The following BCLAF1 variants were observed in gnomAD, a reference collection of about 807,000 sequenced individuals.
BCLAF1 encodes the protein bcl-2-associated transcription factor 1.
Under a neutral mutation model 99.5 loss-of-function variants are expected in BCLAF1, and 10 were observed. That is an observed-to-expected ratio of 0.10 (90% CI 0.06 to 0.17). The LOEUF (loss-of-function observed/expected upper bound fraction) is 0.17, where lower values mean the gene tolerates loss of function less well. Among genes scored for constraint, BCLAF1 ranks in the 10% least tolerant of loss-of-function variants. The pLI is 1.00. For missense variants in BCLAF1, 636 were observed against 1,105.8 expected (o/e 0.58, Z 6.02); for synonymous variants, 255 against 370.9 (o/e 0.69, Z 3.59).
chr6:136,269,753 T>C (rs1782252951), intron 8 of BCLAF1, 141 bp from the exon 9 acceptor site: 3 of 549,454 alleles, frequency 5.5e-6, no homozygotes, highest in Non-Finnish European at 8.6e-6. Flanking sequence ...TAAGATACTA[T>C]CACTTAGTTT....
At chr6:136,277,084 C>T (rs577055119) in intron 4 of BCLAF1, among the ~76,000 whole-genome samples, 7 of 152,256 alleles carry the variant, frequency 4.6e-5, no homozygotes, top group African/African-American at 1.4e-4. Context: ...AGTGCTATTC[C>T]ACAAACAGCA....
At position 136,281,969 on chromosome 6, in the gene BCLAF1, G is replaced by A. The variant is rs116919058; in HGVS notation, c.-11+615C>T. On this transcript the variant is annotated intron_variant, in intron 2 of 12. Coordinates refer to ENST00000531224, the MANE Select transcript of BCLAF1 (RefSeq NM_014739.3). ...TACACCTGAAACTTCAAAAACTAACGGAAAGAAAGCATGCCTATCAAATAG... is the reference window on the plus strand; with the variant it reads ...TACACCTGAAACTTCAAAAACTAACAGAAAGAAAGCATGCCTATCAAATAG... Among the ~76,000 whole-genome samples, 766 of 152,216 alleles carry A rather than the reference G, an allele frequency of 5.0e-3. 5 individuals are homozygous for A. Among genetic ancestry groups the A allele is most frequent in the South Asian group, 0.034 (166 of 4,828 alleles).
chr6:136,289,267 C>A (rs568771402), intron 1 of BCLAF1, among the ~76,000 whole-genome samples: 1 of 152,376 alleles, frequency 6.6e-6, no homozygotes, highest in South Asian at 2.1e-4. Flanking sequence ...AGGTGGCAGT[C>A]CCAGCCAATG....
chr6:136,283,524 A>G (rs898242769), intron 1 of BCLAF1, among the ~76,000 whole-genome samples: 1 of 152,226 alleles, frequency 6.6e-6, no homozygotes, highest in Non-Finnish European at 1.5e-5. Context: ...CCAATACTGA[A>G]AAGTTTAGCT....
At chr6:136,283,983 A>G (rs985911006) in intron 1 of BCLAF1, among the ~76,000 whole-genome samples, 3 of 151,952 alleles carry the variant, frequency 2.0e-5, no homozygotes, top group Non-Finnish European at 4.4e-5. Flanking sequence ...AAACTGGAGT[A>G]CTGTCATAAA....
In BCLAF1 at chr6:136,276,349, T is replaced by C. The variant is rs781381344; in HGVS notation, c.1176A>G (p.Gln392=). Residue 392 remains glutamine, a synonymous_variant, in exon 5 of 13, where the codon CAA becomes CAG. Coordinates refer to ENST00000531224, the MANE Select transcript of BCLAF1 (RefSeq NM_014739.3). ...CATCCCCTTCTGAATCATTAAACTT[T>C]TGTTTTCCAGACTCTTTATCACTGA... The part of the protein sequence containing the change: ...DYFSDKESGK[Q]KFNDSEGDDT... The C allele has an allele frequency of 1.3e-6, 2 of 1,568,890 alleles. No individual in the cohort carries two copies. Among genetic ancestry groups the C allele is most frequent in the Non-Finnish European group, 1.7e-6 (2 of 1,161,412 alleles).
In BCLAF1 at chr6:136,270,537, C is replaced by T. The variant is rs552864840; in HGVS notation, c.2044-925G>A. ...GAAAGTACGTATCTCCAAATGATAT[C>T]AACTACTCACCTATTTGCTCCCAGA... On this transcript the variant is annotated intron_variant, in intron 8 of 12. Coordinates refer to ENST00000531224, the MANE Select transcript of BCLAF1 (RefSeq NM_014739.3). Among the ~76,000 whole-genome samples the T allele has an allele frequency of 2.0e-5, 3 of 151,882 alleles. No individual in the cohort carries two copies. In the East Asian group the frequency reaches 5.8e-4, roughly 29 times the overall value.
In BCLAF1 at chr6:136,276,595, C is replaced by G. The variant is rs1050259165; in HGVS notation, c.1017-87G>C. The stretch of plus-strand genomic sequence containing the variant: ...TATTTAAATGTGTTGCCCAATCCCT[C>G]AGGACCAGCAAGAGAGAAAATAACC... On this transcript the variant is annotated intron_variant, in intron 4 of 12. Coordinates refer to ENST00000531224, the MANE Select transcript of BCLAF1 (RefSeq NM_014739.3). The G allele has an allele frequency of 3.2e-5, 45 of 1,425,362 alleles. No homozygotes were observed. In the African/African-American group the frequency reaches 5.7e-4, roughly 18 times the overall value. The allele number at this position is 1,425,362 out of a possible 1,614,324, so 88.3% of individuals were successfully genotyped here. A position where few individuals can be genotyped will look rare whatever the true frequency, so the allele number is the denominator to read the frequency against.
chr6:136,277,391 A>C (rs1270112631), intron 4 of BCLAF1, among the ~76,000 whole-genome samples: 1 of 152,194 alleles, frequency 6.6e-6, no homozygotes, highest in East Asian at 1.9e-4. Flanking sequence ...TAAGAAACTT[A>C]ATTTCTAAAA....
chr6:136,273,521 T>C (rs1280875855), intron 6 of BCLAF1: 2 of 181,500 alleles, frequency 1.1e-5, no homozygotes, highest in Non-Finnish European at 2.3e-5. Context: ...ACCTTGCCAA[T>C]ATGAACCAAT....
chr6:136,289,077 G>A (rs1021985385), intron 1 of BCLAF1, among the ~76,000 whole-genome samples: 2 of 152,228 alleles, frequency 1.3e-5, no homozygotes, highest in Non-Finnish European at 2.9e-5. Context: ...ACCAGGGTCA[G>A]CAGCGAGAGG....
At chr6:136,263,660 C>G (rs1204160324) in intron 11 of BCLAF1, among the ~76,000 whole-genome samples, 2 of 152,138 alleles carry the variant, frequency 1.3e-5, no homozygotes, top group Admixed American at 6.6e-5. Flanking sequence ...ATACAAGGAT[C>G]ACGTTTCAAA....
intron 1 of BCLAF1, among the ~76,000 whole-genome samples, chr6:136,286,796 C>T (rs1286026985): frequency 2.0e-5 from 3 of 152,142 alleles, no homozygotes; most frequent in African/African-American, 7.2e-5. Context: ...GCCAAAACCC[C>T]GTCTCTACTA....
rs529862095 is a variant in BCLAF1, at chr6:136,274,382, G to A, written c.1852+1150C>T. Among the ~76,000 whole-genome samples, 21 of 150,456 alleles carry A rather than the reference G, an allele frequency of 1.4e-4. No homozygotes were observed. The South Asian group carries it at 2.1e-3, about 15-fold the overall frequency. On this transcript the variant is annotated intron_variant, in intron 6 of 12. Transcript: ENST00000531224. ...AATTCAGTAATAAATTGTAAAATGT[G>A]GAGCTAGGCCAAAAAAGATTAAAAA...
intron 1 of BCLAF1, among the ~76,000 whole-genome samples, chr6:136,286,374 C>G (rs1785131596): frequency 6.6e-6 from 1 of 152,168 alleles, no homozygotes; most frequent in East Asian, 1.9e-4. Flanking sequence ...AACAAGTTAC[C>G]TTCATCTGTC....
At chr6:136,285,249 A>T (rs941866333) in intron 1 of BCLAF1, among the ~76,000 whole-genome samples, 3 of 152,206 alleles carry the variant, frequency 2.0e-5, no homozygotes, top group Non-Finnish European at 2.9e-5. Context: ...AAAAGAGGCA[A>T]ATCCAAGATG....
intron 8 of BCLAF1, 103 bp downstream of exon 8, chr6:136,271,892 T>A (rs1782586424): frequency 5.1e-6 from 4 of 785,804 alleles, no homozygotes; most frequent in South Asian, 4.9e-5. Context: ...GAATTAAAAG[T>A]AGAAGATATC....
intron 9 of BCLAF1, 175 bp downstream of exon 9, chr6:136,269,262 C>A: frequency 6.6e-7 from 1 of 1,504,502 alleles, no homozygotes; most frequent in Admixed American, 2.2e-5. Flanking sequence ...AAGTTTTTGT[C>A]CTCATCCACC....
Position 136,273,058 on chromosome 6 carries a change from A to T in BCLAF1, c.1958+24T>A. On this transcript the variant is annotated intron_variant, in intron 7 of 12. Coordinates refer to ENST00000531224, the MANE Select transcript of BCLAF1 (RefSeq NM_014739.3). ...CTTCCTATCAAAACAACGTTTTTATATGCCAGTTCAGCAGGATACATACCT... is the reference window on the plus strand; with the variant it reads ...CTTCCTATCAAAACAACGTTTTTATTTGCCAGTTCAGCAGGATACATACCT... 1.9e-6 allele frequency: 3 copies of T among 1,556,518 alleles called. No homozygotes were observed. In the South Asian group the frequency reaches 3.5e-5, roughly 18 times the overall value.
Sources: allele counts gnomAD v4.1 joint callset (sites outside exome capture counted in the v4.1 genomes callset), GRCh38; gene constraint gnomAD v4.1.1; transcripts MANE v1.5; gene names NCBI Gene and HGNC (gene_info 2026-07-23, HGNC 2026-07-21).